The following ACSL5 variants were observed in gnomAD, a reference collection of about 807,000 sequenced individuals.
ACSL5 encodes long-chain-fatty-acid--CoA ligase 5.
ACSL5 carries 50 observed loss-of-function variants against 84.9 expected under a neutral mutation model. That is an observed-to-expected ratio of 0.59 (90% confidence interval 0.47 to 0.75). The LOEUF (loss-of-function observed/expected upper bound fraction) is 0.75, where lower values mean the gene tolerates loss of function less well. ACSL5 is among the 30% of genes least tolerant of loss of function. The pLI is 0.00. For missense variants in ACSL5, 775 were observed against 830.4 expected, an observed-to-expected ratio of 0.93 and a Z score of 0.82; for synonymous variants, 280 against 300.7, an observed-to-expected ratio of 0.93 and a Z score of 0.71.
chr10:112,384,650 G>A (rs1364270415), intron 1 of ACSL5, among the ~76,000 whole-genome samples: 1 of 152,086 alleles, frequency 6.6e-6, no homozygotes, highest in African/African-American at 2.4e-5. Flanking sequence ...GGGGACTACC[G>A]GCATGCACCG....
chr10:112,404,396 C>T, intron 3 of ACSL5, 115 bp from the exon 4 acceptor site: 2 of 752,676 alleles, frequency 2.7e-6, no homozygotes, highest in South Asian at 3.5e-5. Flanking sequence ...AATAGAAGCT[C>T]AAATCCTTGT....
intron 5 of ACSL5, chr10:112,406,749 C>T (rs899530440): frequency 4.6e-5 from 7 of 152,180 alleles, no homozygotes; most frequent in African/African-American, 1.4e-4. Flanking sequence ...AAGAAACTTA[C>T]AATCATGGCG....
intron 1 of ACSL5, among the ~76,000 whole-genome samples, chr10:112,383,640 G>A (rs1355934169): frequency 6.6e-6 from 1 of 152,226 alleles, no homozygotes. Flanking sequence ...GGGCTTGGAA[G>A]AGGCTGTGTG....
rs745368687 is a variant in ACSL5, at chr10:112,404,741, T to G, written c.367T>G (p.Leu123Val). 21 of 1,613,972 alleles carry G rather than the reference T, an allele frequency of 1.3e-5. No homozygotes were observed. Among genetic ancestry groups the G allele is most frequent in the Non-Finnish European group, 1.7e-5 (20 of 1,179,972 alleles). Residue 123 changes from leucine to valine, a missense_variant, in exon 5 of 21, where the codon TTG (leucine) becomes GTG (valine). By Grantham distance (32) the Leu-to-Val change is conservative (BLOSUM62 1). Coordinates refer to ENST00000354655, the MANE Select transcript of ACSL5 (RefSeq NM_203379.2). ...DRAEYLGSCL[L>V]HKGYKSSPDQ... ...AGCAGAGTACCTGGGTTCCTGTCTC[T>G]TGCATAAAGGTTATAAATCATCACC... is the stretch of plus-strand genomic sequence containing the variant.
At chr10:112,392,182 C>T (rs369638002) in intron 1 of ACSL5, among the ~76,000 whole-genome samples, 1 of 152,292 alleles carries the variant, frequency 6.6e-6, no homozygotes, top group African/African-American at 2.4e-5. Context: ...TAAAATATCA[C>T]CAGCTTGGGG....
intron 13 of ACSL5, among the ~76,000 whole-genome samples, chr10:112,417,590 G>A (rs1443688332): frequency 6.6e-6 from 1 of 152,048 alleles, no homozygotes; most frequent in Non-Finnish European, 1.5e-5. Context: ...AATTTGAGGG[G>A]CTGAAGAATA....
In ACSL5 at chr10:112,409,666, T is replaced by C. The variant is rs1341280276; in HGVS notation, c.692T>C (p.Leu231Ser). The change falls in exon 7 of 21, where the codon TTA becomes TCA. Residue 231 changes from leucine to serine, a missense_variant. Leu to Ser is a moderately radical substitution (Grantham distance 145, BLOSUM62 -2). Coordinates refer to ENST00000354655, the MANE Select transcript of ACSL5 (RefSeq NM_203379.2). Reference sequence around the variant, plus strand: ...GGGGAGAAGAGTGGAATTGAGATCTTATCCCTATATGATGCTGAGGTATGG... The same window carrying C: ...GGGGAGAAGAGTGGAATTGAGATCTCATCCCTATATGATGCTGAGGTATGG... The part of the protein sequence containing the change: ...QRGEKSGIEI[L>S]SLYDAENLGK... 13 of 1,614,080 alleles carry C rather than the reference T, an allele frequency of 8.1e-6. No individual in the cohort carries two copies. The highest frequency in any genetic ancestry group is 1.7e-5 in the Admixed American group (1 of 60,000).
chr10:112,411,627 T>TACACACACACACATACAC (rs1844180519), intron 10 of ACSL5, 98 bp downstream of exon 10: 1 of 820,982 alleles, frequency 1.2e-6, no homozygotes, highest in Non-Finnish European at 1.9e-6. Flanking sequence ...CACACACACA[T>TACACACACACACATACAC]ACACACACAC....
At chr10:112,404,947 T>G in intron 5 of ACSL5, 141 bp downstream of exon 5, 2 of 767,054 alleles carry the variant, frequency 2.6e-6, no homozygotes, top group South Asian at 3.5e-5. Context: ...TTATTCTACT[T>G]GAAAGAGTTA....
chr10:112,398,848 G>C, intron 2 of ACSL5, 53 bp from the exon 3 acceptor site: 1 of 1,470,116 alleles, frequency 6.8e-7, no homozygotes, highest in Non-Finnish European at 9.5e-7. Context: ...TAAAGGTTTT[G>C]GAAAGAGTGA....
Position 112,404,543 on chromosome 10 carries a change from A to G in ACSL5, c.298A>G (p.Asn100Asp). The G allele has an allele frequency of 1.9e-6, 3 of 1,613,922 alleles. No individual in the cohort carries two copies. The highest frequency in any genetic ancestry group is 2.5e-6 in the Non-Finnish European group (3 of 1,179,796). Residue 100 changes from asparagine (N) to aspartate (D), a missense_variant, in exon 4 of 21, where the codon AAC (asparagine) becomes GAC (aspartate). Physicochemically the swap from Asn to Asp is conservative, Grantham distance 23 (BLOSUM62 1). Transcript: ENST00000354655. ...GCCCTGCTTGGGATATAGAAAACCAAACCAGCCCTACAGATGGCTATCTTA... is the reference window on the plus strand; with the variant it reads ...GCCCTGCTTGGGATATAGAAAACCAGACCAGCCCTACAGATGGCTATCTTA... ...NGPCLGYRKP[N>D]QPYRWLSYKQ...
At chr10:112,405,127 T>C (rs1844002354) in intron 5 of ACSL5, among the ~76,000 whole-genome samples, 1 of 152,198 alleles carries the variant, frequency 6.6e-6, no homozygotes, top group African/African-American at 2.4e-5. Context: ...GAAGATATTG[T>C]GGAAAGTATG....
chr10:112,386,127 T>A (rs975234925), intron 1 of ACSL5, among the ~76,000 whole-genome samples: 6 of 151,586 alleles, frequency 4.0e-5, no homozygotes, highest in African/African-American at 1.2e-4. Context: ...TGTTTCAGGA[T>A]GATTTTATTA....
At chr10:112,414,294 T>C (rs1050657296) in intron 12 of ACSL5, among the ~76,000 whole-genome samples, 7 of 152,088 alleles carry the variant, frequency 4.6e-5, no homozygotes, top group African/African-American at 1.7e-4. Context: ...CAATGAGATT[T>C]TCTCTTTGTA....
At chr10:112,408,337 A>G (rs1844097474) in intron 5 of ACSL5, 85 bp from the exon 6 acceptor site, 1 of 896,656 alleles carries the variant, frequency 1.1e-6, no homozygotes, top group African/African-American at 1.7e-5. Flanking sequence ...AAGACAAAAA[A>G]CCAGACAGCA....
intron 2 of ACSL5, 59 bp downstream of exon 2, chr10:112,395,161 C>T: frequency 6.5e-7 from 1 of 1,529,918 alleles, no homozygotes; most frequent in East Asian, 2.3e-5. Flanking sequence ...ACTGTAACTC[C>T]AAACCTAGGG....
chr10:112,411,141 A>G (rs571915182), intron 9 of ACSL5, among the ~76,000 whole-genome samples: 1 of 152,332 alleles, frequency 6.6e-6, no homozygotes, highest in South Asian at 2.1e-4. Context: ...AATTCCAAAC[A>G]TATAAACAGC....
At chr10:112,426,153 G>T in intron 18 of ACSL5, 105 bp from the exon 19 acceptor site, 2 of 869,910 alleles carry the variant, frequency 2.3e-6, no homozygotes, top group Non-Finnish European at 3.7e-6. Flanking sequence ...TAAGGTTTTG[G>T]GGAAATAACT....
intron 12 of ACSL5, among the ~76,000 whole-genome samples, chr10:112,416,226 C>A (rs1187716273): frequency 3.3e-5 from 5 of 152,084 alleles, no homozygotes; most frequent in Non-Finnish European, 7.4e-5. Context: ...AATCCCAGCA[C>A]TTTGGGAGGC....
Sources: gnomAD v4.1 joint callset for allele counts (sites outside exome capture counted in the v4.1 genomes callset) on GRCh38, gnomAD v4.1.1 for gene constraint, MANE v1.5 for transcripts, NCBI Gene and HGNC (gene_info 2026-07-23, HGNC 2026-07-21) for gene names.